The following LRRC4C variants were observed in gnomAD, a reference collection of about 807,000 sequenced individuals.
LRRC4C encodes the protein leucine rich repeat containing 4C.
A neutral mutation model predicts 33.6 loss-of-function variants in LRRC4C; 5 were observed. That is an observed-to-expected ratio of 0.15 (90% CI 0.08 to 0.31). The LOEUF is 0.31. Ranked by LOEUF, LRRC4C falls within the 10% of genes least tolerant of loss-of-function variation. The pLI, the probability that LRRC4C is intolerant of heterozygous loss-of-function variation, is 1.00. For synonymous variants in LRRC4C, 329 were observed against 302.0 expected (o/e 1.09, Z -0.93); for missense variants, 560 against 796.7 (o/e 0.70, Z 3.58).
chr11:41,239,901 G>A lies in LRRC4C; in HGVS notation c.-496+219530C>T, dbSNP rs117077577. 2.4e-3 allele frequency among the ~76,000 whole-genome samples: 361 copies of A among 152,180 alleles called. 2 individuals carry two copies. The highest frequency in any genetic ancestry group is 4.0e-3 in the Non-Finnish European group (271 of 68,002). On this transcript the variant is annotated intron_variant, in intron 1 of 6. Transcript: ENST00000528697. ...TTCATCCTAACAATTGCATTTATTG[G>A]TGACTGCTAAGTACAGTTCTAGTTG...
chr11:40,264,615 A>C (rs755790819), intron 4 of LRRC4C, among the ~76,000 whole-genome samples: 63 of 152,214 alleles, frequency 4.1e-4, no homozygotes, highest in Non-Finnish European at 4.8e-4. Context: ...GTCTTTGAAA[A>C]GCCAAGTCTT....
At position 40,601,766 on chromosome 11, in the gene LRRC4C, T is replaced by C. The variant is rs571783482; in HGVS notation, c.-270+46376A>G. Among the ~76,000 whole-genome samples the C allele has an allele frequency of 3.9e-5, 6 of 152,298 alleles. No homozygotes were observed. The East Asian group carries it at 1.2e-3, about 29-fold the overall frequency. On this transcript the variant is annotated intron_variant, in intron 3 of 6. Transcript: ENST00000528697. ...TGATAATTCATGCTGATATTTTTCA[T>C]GATCAAAGTATATATTAGAATATAC...
At chr11:41,394,039 T>C (rs1241686978) in intron 1 of LRRC4C, among the ~76,000 whole-genome samples, 1 of 151,946 alleles carries the variant, frequency 6.6e-6, no homozygotes, top group Non-Finnish European at 1.5e-5. Context: ...AAAGAGGCAC[T>C]CTAGGGAGCC....
chr11:40,474,152 C>G (rs936378208), intron 3 of LRRC4C, among the ~76,000 whole-genome samples: 3 of 151,952 alleles, frequency 2.0e-5, no homozygotes, highest in African/African-American at 7.3e-5. Context: ...CAAGACAATC[C>G]TAAGCAAAAA....
chr11:41,406,699 A>T (rs1954248977), intron 1 of LRRC4C, among the ~76,000 whole-genome samples: 1 of 125,884 alleles, frequency 7.9e-6, no homozygotes, highest in South Asian at 2.9e-4. Context: ...TCTCCCCTAC[A>T]CATTCACCAC....
chr11:40,206,688 T>C (rs978856091), intron 5 of LRRC4C, among the ~76,000 whole-genome samples: 1 of 152,186 alleles, frequency 6.6e-6, no homozygotes, highest in African/African-American at 2.4e-5. Context: ...CTATTAAAGA[T>C]GTGTGTCAAT....
intron 2 of LRRC4C, among the ~76,000 whole-genome samples, chr11:40,757,051 C>T (rs1391904263): frequency 6.6e-6 from 1 of 152,030 alleles, no homozygotes; most frequent in Non-Finnish European, 1.5e-5. Flanking sequence ...CACTCTTGCT[C>T]TCATACTCTC....
chr11:40,520,545 A>C (rs1181659092), intron 3 of LRRC4C, among the ~76,000 whole-genome samples: 2 of 152,206 alleles, frequency 1.3e-5, no homozygotes, highest in Non-Finnish European at 2.9e-5. Context: ...ATTAGAACAC[A>C]CACAACATTT....
In LRRC4C at chr11:41,282,326, G is replaced by A. The variant is rs192631093; in HGVS notation, c.-496+177105C>T. 1.7e-4 allele frequency among the ~76,000 whole-genome samples: 26 copies of A among 152,330 alleles called. No individual in the cohort carries two copies. The East Asian group carries it at 2.9e-3, about 17-fold the overall frequency. On this transcript the variant is annotated intron_variant, in intron 1 of 6. Coordinates refer to ENST00000528697, the MANE Select transcript of LRRC4C (RefSeq NM_001258419.2). ...ATGGTTATAAAGAGTGAAGGCAGGC[G>A]ATTGAGAGGATATCAACATTAAATT...
At chr11:40,582,837 A>C (rs1958535264) in intron 3 of LRRC4C, among the ~76,000 whole-genome samples, 1 of 151,916 alleles carries the variant, frequency 6.6e-6, no homozygotes, top group East Asian at 1.9e-4. Context: ...TTTTTTAAAT[A>C]GATGCATAAT....
rs547954378 is a variant in LRRC4C, at chr11:40,611,641, C to T, written c.-270+36501G>A. Among the ~76,000 whole-genome samples the T allele has an allele frequency of 9.2e-4, 140 of 151,678 alleles. 4 individuals are homozygous for T. In the South Asian group the frequency reaches 0.026, roughly 29 times the overall value. On this transcript the variant is annotated intron_variant, in intron 3 of 6. Coordinates refer to ENST00000528697, the MANE Select transcript of LRRC4C (RefSeq NM_001258419.2). The stretch of plus-strand genomic sequence containing the variant: ...TGAAAAGGGGTTAATATTAAAGATA[C>T]GTAAGAAACTCTTACAATTCAATAG...
chr11:40,336,406 A>G (rs1214079272), intron 3 of LRRC4C, among the ~76,000 whole-genome samples: 4 of 152,074 alleles, frequency 2.6e-5, no homozygotes, highest in Admixed American at 2.0e-4. Context: ...CCTGCTTGCT[A>G]TATGAAGACG....
chr11:40,164,433 G>A (rs1472657341), intron 5 of LRRC4C, among the ~76,000 whole-genome samples: 2 of 152,076 alleles, frequency 1.3e-5, no homozygotes, highest in Non-Finnish European at 1.5e-5. Context: ...AGTAGAGATG[G>A]GGCTTCACTA....
At chr11:41,148,768 C>T (rs1943847392) in intron 1 of LRRC4C, among the ~76,000 whole-genome samples, 2 of 151,930 alleles carry the variant, frequency 1.3e-5, no homozygotes, top group African/African-American at 2.4e-5. Flanking sequence ...GCTGAGATTT[C>T]CTCATCTCTG....
At chr11:41,398,393 A>G (rs1030179964) in intron 1 of LRRC4C, among the ~76,000 whole-genome samples, 3 of 152,002 alleles carry the variant, frequency 2.0e-5, no homozygotes, top group Non-Finnish European at 4.4e-5. Context: ...CATGTTTACT[A>G]AGCTCTTCAG....
intron 1 of LRRC4C, among the ~76,000 whole-genome samples, chr11:41,024,179 C>A (rs182061428): frequency 1.2e-3 from 181 of 151,656 alleles, no homozygotes; most frequent in African/African-American, 4.2e-3. Flanking sequence ...GTTTCCTCAA[C>A]ACTCTGTGTA....
chr11:40,716,555 T>C (rs1946729381), intron 2 of LRRC4C, among the ~76,000 whole-genome samples: 1 of 152,016 alleles, frequency 6.6e-6, no homozygotes, highest in Non-Finnish European at 1.5e-5. Flanking sequence ...AAGTTGGAGG[T>C]ATGTCAAGAA....
intron 2 of LRRC4C, among the ~76,000 whole-genome samples, chr11:40,779,078 T>C (rs1365730436): frequency 6.6e-6 from 1 of 152,176 alleles, no homozygotes; most frequent in Non-Finnish European, 1.5e-5. Flanking sequence ...AGTGTAGGTA[T>C]CTACCACCTA....
chr11:40,581,383 G>A (rs548839473), intron 3 of LRRC4C, among the ~76,000 whole-genome samples: 1 of 152,290 alleles, frequency 6.6e-6, no homozygotes, highest in South Asian at 2.1e-4. Flanking sequence ...TAATGCAATT[G>A]TCTTCAGACC....
Sources: allele counts gnomAD v4.1 joint callset (sites outside exome capture counted in the v4.1 genomes callset), GRCh38; gene constraint gnomAD v4.1.1; transcripts MANE v1.5; gene names NCBI Gene and HGNC (gene_info 2026-07-23, HGNC 2026-07-21).